Variants in GRM8 observed in about 807,000 individuals in gnomAD.
GRM8 encodes the protein metabotropic glutamate receptor 8.
Under a neutral mutation model 87.2 loss-of-function variants are expected in GRM8, and 47 were observed. That is an observed-to-expected ratio of 0.54 (90% CI 0.43 to 0.69). GRM8 has a LOEUF of 0.69. Ranked by LOEUF, GRM8 falls within the 30% of genes least tolerant of loss-of-function variation. The pLI, the probability that GRM8 is intolerant of heterozygous loss-of-function variation, is 0.00. For synonymous variants in GRM8, 396 were observed against 404.5 expected, an observed-to-expected ratio of 0.98 and a Z score of 0.25; for missense variants, 1,019 against 1,139.2, an observed-to-expected ratio of 0.89 and a Z score of 1.52.
At chr7:126,949,339 C>T (rs1253250449) in intron 3 of GRM8, among the ~76,000 whole-genome samples, 3 of 152,144 alleles carry the variant, frequency 2.0e-5, no homozygotes, top group African/African-American at 7.2e-5. Context: ...CCCTGATCCA[C>T]AGCAGCATTT....
chr7:126,497,902 A>G (rs1382907925), intron 9 of GRM8, among the ~76,000 whole-genome samples: 1 of 152,004 alleles, frequency 6.6e-6, no homozygotes, highest in Non-Finnish European at 1.5e-5. Context: ...AGTAGAGTGT[A>G]GGTGGGGACC....
intron 6 of GRM8, among the ~76,000 whole-genome samples, chr7:126,813,455 A>G (rs79589560): frequency 0.012 from 1,789 of 152,212 alleles, 37 homozygotes; most frequent in African/African-American, 0.04. Flanking sequence ...GGCACCCCCA[A>G]TGAGGACACT....
intron 3 of GRM8, among the ~76,000 whole-genome samples, chr7:127,046,009 C>T (rs1353832072): frequency 6.6e-5 from 10 of 152,146 alleles, no homozygotes; most frequent in African/African-American, 2.4e-4. Context: ...ACAGAAACAT[C>T]CCACATATCT....
chr7:127,022,170 CTT>C (rs76117895), intron 3 of GRM8, among the ~76,000 whole-genome samples: 4 of 144,058 alleles, frequency 2.8e-5, no homozygotes, highest in Non-Finnish European at 3.1e-5. Flanking sequence ...GATAATGTTT[CTT>C]TTTTTTTTTT....
In GRM8 at chr7:127,091,476, C is replaced by T. The variant is rs530609488; in HGVS notation, c.727+15020G>A. Among the ~76,000 whole-genome samples the T allele has an allele frequency of 4.7e-3, 441 of 93,000 alleles. 4 individuals are homozygous for T. The highest frequency in any genetic ancestry group is 7.6e-3 in the Non-Finnish European group (347 of 45,580). The allele number at this position is 93,000 out of a possible 152,430, so 61.0% of individuals were successfully genotyped here. A position where few individuals can be genotyped will look rare whatever the true frequency, so the allele number is the denominator to read the frequency against. On this transcript the variant is annotated intron_variant, in intron 3 of 10. Coordinates refer to ENST00000339582, the MANE Select transcript of GRM8 (RefSeq NM_000845.3). ...TGGTCATCCCCCCCACCACCATCCC[C>T]GTCTCACTGATGACTAGTCATCCCC...
rs991215472 is a variant in GRM8, at chr7:126,457,895, G to A, written c.2431-11523C>T. 4.0e-5 allele frequency among the ~76,000 whole-genome samples: 6 copies of A among 150,226 alleles called. 1 individual carries two copies. Among genetic ancestry groups the A allele is most frequent in the Admixed American group, 3.3e-4 (5 of 15,044 alleles). On this transcript the variant is annotated intron_variant, in intron 9 of 10. Transcript: ENST00000339582. ...ACTGTAAAATTAAACCACTCACAAG[G>A]TTGACCAAGAAAACAAGAAACAAGA...
intron 8 of GRM8, among the ~76,000 whole-genome samples, chr7:126,605,083 A>T (rs952903849): frequency 3.9e-5 from 6 of 152,222 alleles, no homozygotes; most frequent in African/African-American, 1.2e-4. Flanking sequence ...GCATTAAAAA[A>T]AGCCCCGAGT....
At chr7:127,212,161 A>ACAGAAATATATTTT (rs1300225446) in intron 2 of GRM8, among the ~76,000 whole-genome samples, 2 of 152,192 alleles carry the variant, frequency 1.3e-5, no homozygotes, top group East Asian at 3.9e-4. Context: ...GTTTTTAAGG[A>ACAGAAATATATTTT]CAGAAATATA....
intron 7 of GRM8, among the ~76,000 whole-genome samples, chr7:126,643,109 G>A (rs1802584271): frequency 6.6e-6 from 1 of 150,986 alleles, no homozygotes; most frequent in African/African-American, 2.4e-5. Context: ...TGGGCAACAT[G>A]GCAAGACCCG....
intron 7 of GRM8, among the ~76,000 whole-genome samples, chr7:126,624,115 T>C (rs988848585): frequency 2.0e-5 from 3 of 152,264 alleles, no homozygotes; most frequent in Admixed American, 2.0e-4. Flanking sequence ...ACAACAACAA[T>C]CCACTCTCTA....
intron 7 of GRM8, among the ~76,000 whole-genome samples, chr7:126,734,909 G>A (rs1490379036): frequency 6.6e-6 from 1 of 152,010 alleles, no homozygotes; most frequent in African/African-American, 2.4e-5. Flanking sequence ...AGAGACATTT[G>A]GTAGTCAGTA....
intron 3 of GRM8, among the ~76,000 whole-genome samples, chr7:126,930,748 G>T (rs2131438534): frequency 6.6e-6 from 1 of 152,292 alleles, no homozygotes; most frequent in South Asian, 2.1e-4. Flanking sequence ...TTTCATGTGA[G>T]CCGAGTATTA....
chr7:127,171,706 T>C (rs974038879), intron 2 of GRM8, among the ~76,000 whole-genome samples: 1 of 152,238 alleles, frequency 6.6e-6, no homozygotes, highest in African/African-American at 2.4e-5. Context: ...ATAACTTTTA[T>C]ATAAACTGGA....
chr7:126,795,248 C>A (rs1821827169), intron 6 of GRM8, among the ~76,000 whole-genome samples: 1 of 152,092 alleles, frequency 6.6e-6, no homozygotes, highest in African/African-American at 2.4e-5. Flanking sequence ...TGACTATACA[C>A]AAACTCTCAG....
intron 6 of GRM8, among the ~76,000 whole-genome samples, chr7:126,772,977 C>T (rs1819010241): frequency 6.6e-6 from 1 of 152,048 alleles, no homozygotes; most frequent in African/African-American, 2.4e-5. Flanking sequence ...GCAATGATGG[C>T]CCAATAAGCA....
intron 8 of GRM8, among the ~76,000 whole-genome samples, chr7:126,547,423 T>A (rs187416010): frequency 1.7e-4 from 26 of 151,914 alleles, no homozygotes; most frequent in Admixed American, 1.6e-3. Context: ...TCAGAAAGCA[T>A]AAAAGAATAA....
At chr7:126,636,291 T>C (rs1366187216) in intron 7 of GRM8, among the ~76,000 whole-genome samples, 5 of 152,066 alleles carry the variant, frequency 3.3e-5, no homozygotes, top group African/African-American at 4.8e-5. Context: ...GTAAAGTTAT[T>C]CCCTGGGGTC....
intron 7 of GRM8, among the ~76,000 whole-genome samples, chr7:126,740,727 A>G (rs573019887): frequency 6.6e-6 from 1 of 152,256 alleles, no homozygotes; most frequent in African/African-American, 2.4e-5. Context: ...GTGCTGAGAG[A>G]TTCCTCTTTC....
At chr7:127,171,996 C>T (rs558283564) in intron 2 of GRM8, among the ~76,000 whole-genome samples, 17 of 150,116 alleles carry the variant, frequency 1.1e-4, no homozygotes, top group African/African-American at 3.9e-4. Context: ...ACAGAAGATT[C>T]AAAATAAATA....
Sources: allele counts gnomAD v4.1 joint callset (sites outside exome capture counted in the v4.1 genomes callset), GRCh38; gene constraint gnomAD v4.1.1; transcripts MANE v1.5; gene names NCBI Gene and HGNC (gene_info 2026-07-23, HGNC 2026-07-21).